VAV1: variants seen among roughly 807,000 people sequenced by gnomAD.
VAV1 encodes proto-oncogene vav.
In VAV1, 33 loss-of-function variants were observed where a neutral mutation model predicts 128.1. The observed-to-expected ratio is 0.26, with a 90% CI of 0.20 to 0.34. The LOEUF is 0.34. Ranked by LOEUF, VAV1 falls within the 10% of genes least tolerant of loss-of-function variation. The pLI, the probability that VAV1 is intolerant of heterozygous loss-of-function variation, is 1.00. For synonymous variants in VAV1, 394 were observed against 409.8 expected (o/e 0.96, Z 0.47); for missense variants, 715 against 1,093.7 (o/e 0.65, Z 4.88).
Position 6,792,566 on chromosome 19 carries a change from C to CTGTTTTGTTT in VAV1, c.204+19566_204+19575dup, listed in dbSNP as rs59781838. Among the ~76,000 whole-genome samples the CTGTTTTGTTT allele has an allele frequency of 1.6e-4, 24 of 151,186 alleles. No homozygotes were observed. In the South Asian group the frequency reaches 2.3e-3, roughly 15 times the overall value. Reference sequence around the variant, plus strand: ...AATGGCTAGCACATGGTTCTTTTTTCTGTTTTGTTTTGTTTTGTTTGTTTT... The same window carrying CTGTTTTGTTT: ...AATGGCTAGCACATGGTTCTTTTTTCTGTTTTGTTTTGTTTTGTTTTGTTTTGTTTGTTTT... On this transcript the variant is annotated intron_variant, in intron 1 of 26. Transcript: ENST00000602142.
chr19:6,774,777 T>C (rs1970586180), intron 1 of VAV1, among the ~76,000 whole-genome samples: 1 of 151,138 alleles, frequency 6.6e-6, no homozygotes, highest in Non-Finnish European at 1.5e-5. Flanking sequence ...TTTTTTGAGA[T>C]GGAGTCTTGC....
chr19:6,806,760 G>A (rs1472102323), intron 1 of VAV1, among the ~76,000 whole-genome samples: 1 of 152,230 alleles, frequency 6.6e-6, no homozygotes, highest in Non-Finnish European at 1.5e-5. Flanking sequence ...GACTGGAACT[G>A]GGGGTGGAGC....
chr19:6,857,036 CTCCTCG>C lies in VAV1; in HGVS notation c.2485-15_2485-10del. ...GATGTGCAGAGGTTGCACTGATGAACTCCTCGTCTGTTTCCAGGTTGGCTGGTTCCC... is the reference window on the plus strand; with the variant it reads ...GATGTGCAGAGGTTGCACTGATGAACTCTGTTTCCAGGTTGGCTGGTTCCC... On this transcript the variant is annotated splice_polypyrimidine_tract_variant and intron_variant, in intron 26 of 26. Transcript: ENST00000602142. 2 of 1,613,300 alleles carry C rather than the reference CTCCTCG, an allele frequency of 1.2e-6. No individual in the cohort carries two copies. The highest frequency in any genetic ancestry group is 1.7e-6 in the Non-Finnish European group (2 of 1,179,262).
chr19:6,800,792 T>TGTG (rs1555699758), intron 1 of VAV1, among the ~76,000 whole-genome samples: 5 of 147,612 alleles, frequency 3.4e-5, no homozygotes, highest in African/African-American at 1.2e-4. Context: ...TGGCAAATTT[T>TGTG]TGTGTGTGTG....
Position 6,836,491 on chromosome 19 carries a change from A to G in VAV1, c.1837A>G (p.Ile613Val). 1 of 1,614,048 alleles carries G rather than the reference A, an allele frequency of 6.2e-7. No homozygotes were observed. Among genetic ancestry groups the G allele is most frequent in the Non-Finnish European group, 8.5e-7 (1 of 1,180,012 alleles). Residue 613 changes from isoleucine (I) to valine (V), a missense_variant, in exon 20 of 27, where the codon ATT becomes GTT. Around this residue, in one of 3 missense-constraint regions of VAV1, gnomAD observed 407 missense variants for 580.6 expected, o/e 0.70. Coordinates refer to ENST00000602142, the MANE Select transcript of VAV1 (RefSeq NM_005428.4). The stretch of plus-strand genomic sequence containing the variant: ...CGGGCTTCCTCCACCCCCTGGAGCC[A>G]TTGGACCCTTTCTACGGCTCAACCC... ...YYGLPPPPGA[I>V]GPFLRLNPGD...
chr19:6,855,759 C>T (rs936304492), intron 26 of VAV1, among the ~76,000 whole-genome samples: 1 of 152,154 alleles, frequency 6.6e-6, no homozygotes. Flanking sequence ...TCCACTCACC[C>T]TTCCAATCAC....
chr19:6,843,862 C>T lies in VAV1; in HGVS notation c.2012+696C>T, dbSNP rs1050989185. Among the ~76,000 whole-genome samples, 6 of 151,580 alleles carry T rather than the reference C, an allele frequency of 4.0e-5. No homozygotes were observed. In the South Asian group the frequency reaches 6.2e-4, roughly 16 times the overall value. The stretch of plus-strand genomic sequence containing the variant: ...ATCTCTGACATTGAAATAGCTCTTG[C>T]GATCCACAGTGTCCATCTTCTGCTG... On this transcript the variant is annotated intron_variant, in intron 22 of 26. Transcript: ENST00000602142.
intron 1 of VAV1, among the ~76,000 whole-genome samples, chr19:6,778,516 C>T (rs1317385546): frequency 6.6e-6 from 1 of 152,096 alleles, no homozygotes; most frequent in Non-Finnish European, 1.5e-5. Context: ...TCTGGTACCA[C>T]CACTTCCTGG....
In VAV1 at chr19:6,822,598, G is replaced by A; in HGVS notation, c.654+84G>A. The A allele has an allele frequency of 4.1e-6, 5 of 1,220,790 alleles. No individual in the cohort carries two copies. The South Asian group carries it at 6.8e-5, about 17-fold the overall frequency. 75.6% of individuals were successfully genotyped at this position (1,220,790 alleles called of 1,614,324 possible). ...GCACGTCCACCTGTCCGGCCGCTCT[G>A]GGCAGCTGAGGATTTCCTGCTCCCA... On this transcript the variant is annotated intron_variant, in intron 6 of 26. Coordinates refer to ENST00000602142, the MANE Select transcript of VAV1 (RefSeq NM_005428.4). This position sits in a 1 kb window ranked among gnomAD's most constrained non-coding sequence, Gnocchi z 5.9.
rs750889633 is a variant in VAV1 at position 6,820,841 on chromosome 19, A to C, written c.321+23A>C. The C allele has an allele frequency of 4.9e-5, 79 of 1,603,828 alleles. No individual in the cohort carries two copies. The highest frequency in any genetic ancestry group is 6.6e-5 in the Non-Finnish European group (77 of 1,170,812). The stretch of plus-strand genomic sequence containing the variant: ...AAGGTGAGCTGCACACTTGAAGCCC[A>C]AAGACTGAGTTTCAGTTAATTTCTA... On this transcript the variant is annotated intron_variant, in intron 2 of 26. Transcript: ENST00000602142. The surrounding 1 kb of genome is among the most constrained non-coding windows in gnomAD (Gnocchi z 4.4).
rs1971970772 is a variant in VAV1, at chr19:6,828,438, A to G, written c.1043A>G (p.Gln348Arg). Residue 348 changes from glutamine (Q) to arginine (R), a missense_variant, in exon 11 of 27, where the codon CAG becomes CGG. Coordinates refer to ENST00000602142, the MANE Select transcript of VAV1 (RefSeq NM_005428.4). The surrounding 1 kb of genome is among the most constrained non-coding windows in gnomAD (Gnocchi z 4.5). Reference protein sequence around the residue: ...LLLQELVKHTQEAMEKENLRL... With the variant: ...LLLQELVKHTREAMEKENLRL... ...TCTCAGGAGCTGGTGAAACACACGC[A>G]GGAGGCGATGGAGAAGGAGAACCTG... is the stretch of plus-strand genomic sequence containing the variant. 4 of 1,614,088 alleles carry G rather than the reference A, an allele frequency of 2.5e-6. No individual in the cohort carries two copies. The East Asian group carries it at 8.9e-5, about 36-fold the overall frequency.
intron 26 of VAV1, among the ~76,000 whole-genome samples, chr19:6,855,984 G>A (rs1017345150): frequency 6.6e-6 from 1 of 152,148 alleles, no homozygotes; most frequent in African/African-American, 2.4e-5. Context: ...GGGATTCAGT[G>A]ACAAATAATA....
Position 6,821,830 on chromosome 19 carries a change from C to T in VAV1, c.420C>T (p.Asp140=). The T allele has an allele frequency of 6.2e-7, 1 of 1,614,202 alleles. No individual in the cohort carries two copies. The highest frequency in any genetic ancestry group is 8.5e-7 in the Non-Finnish European group (1 of 1,180,032). ...PTEEESVGDE[D]IYSGLSDQID... is the part of the protein sequence containing the mutation. ...AGGAGGAGAGTGTAGGTGATGAAGA[C>T]ATCTACAGTGGCCTGTCCGACCAGA... Residue 140 remains aspartate (D), a synonymous_variant, in exon 4 of 27, where the codon GAC becomes GAT. Coordinates refer to ENST00000602142, the MANE Select transcript of VAV1 (RefSeq NM_005428.4).
chr19:6,779,608 C>A (rs1970719822), intron 1 of VAV1, among the ~76,000 whole-genome samples: 1 of 150,332 alleles, frequency 6.7e-6, no homozygotes, highest in South Asian at 2.2e-4. Context: ...GGCCTGTAAT[C>A]CCAGCACTTT....
chr19:6,820,830 A>G lies in VAV1; in HGVS notation c.321+12A>G, dbSNP rs1971763805. The G allele has an allele frequency of 6.2e-7, 1 of 1,609,792 alleles. No homozygotes were observed. Among genetic ancestry groups the G allele is most frequent in the Non-Finnish European group, 8.5e-7 (1 of 1,176,040 alleles). ...AGGATTTTGGCAAGGTGAGCTGCAC[A>G]CTTGAAGCCCAAAGACTGAGTTTCA... On this transcript the variant is annotated intron_variant, in intron 2 of 26. Coordinates refer to ENST00000602142, the MANE Select transcript of VAV1 (RefSeq NM_005428.4). The surrounding 1 kb of genome is among the most constrained non-coding windows in gnomAD (Gnocchi z 4.4).
At position 6,837,032 on chromosome 19, in the gene VAV1, G is replaced by A; in HGVS notation, c.1962G>A (p.Arg654=). The A allele has an allele frequency of 3.1e-6, 5 of 1,614,122 alleles. No individual in the cohort carries two copies. The highest frequency in any genetic ancestry group is 4.2e-6 in the Non-Finnish European group (5 of 1,180,010). ...TNEIGWFPCN[R]VKPYVHGPPQ... ...AAATTGGCTGGTTTCCTTGTAACAGGGTGAAGCCCTATGTCCATGTGAGTG... is the reference window on the plus strand; with the variant it reads ...AAATTGGCTGGTTTCCTTGTAACAGAGTGAAGCCCTATGTCCATGTGAGTG... Residue 654 remains arginine (R), a synonymous_variant, in exon 21 of 27, where the codon AGG becomes AGA. Transcript: ENST00000602142.
intron 1 of VAV1, among the ~76,000 whole-genome samples, chr19:6,783,687 C>T (rs1002830787): frequency 1.3e-5 from 2 of 151,970 alleles, no homozygotes; most frequent in African/African-American, 2.4e-5. Flanking sequence ...AGGGTGGTCT[C>T]GAACTCCTGA....
intron 23 of VAV1, among the ~76,000 whole-genome samples, chr19:6,849,338 G>A (rs1320612977): frequency 7.2e-6 from 1 of 139,090 alleles, no homozygotes; most frequent in Non-Finnish European, 1.5e-5. Flanking sequence ...GCCCAGGCTG[G>A]AGTGCAATGG....
Position 6,822,359 on chromosome 19 carries a change from A to G in VAV1, c.558+30A>G, listed in dbSNP as rs528262917. On this transcript the variant is annotated intron_variant, in intron 5 of 26. Coordinates refer to ENST00000602142, the MANE Select transcript of VAV1 (RefSeq NM_005428.4). The surrounding 1 kb of genome is among the most constrained non-coding windows in gnomAD (Gnocchi z 5.9). ...GTGACGTGGAGGGTCGGGCCTGGGG[A>G]GGGCGTGGGCGGGGGGCAGCCCCAG... 1.3e-5 allele frequency: 9 copies of G among 684,490 alleles called. No homozygotes were observed. In the East Asian group the frequency reaches 2.6e-4, roughly 20 times the overall value. 42.4% of individuals were successfully genotyped at this position (684,490 alleles called of 1,614,324 possible).
Sources: gnomAD v4.1 joint callset for allele counts (sites outside exome capture counted in the v4.1 genomes callset) on GRCh38, gnomAD v4.1.1 for gene constraint, gnomAD v4.1.1 regional missense constraint, Gnocchi (gnomAD v3.1) non-coding constraint, MANE v1.5 for transcripts, NCBI Gene and HGNC (gene_info 2026-07-23, HGNC 2026-07-21) for gene names.